Variants in SDK1 observed in about 807,000 individuals in gnomAD.
SDK1 encodes the protein sidekick cell adhesion molecule 1.
A neutral mutation model predicts 245.5 loss-of-function variants in SDK1; 157 were observed. The observed-to-expected ratio is 0.64, with a 90% confidence interval of 0.56 to 0.73. SDK1 has a LOEUF of 0.73. SDK1 is among the 30% of genes least tolerant of loss of function. SDK1 has a pLI of 0.00. For synonymous variants in SDK1, 1,647 were observed against 1,278.5 expected, an observed-to-expected ratio of 1.29 and a Z score of -6.15; for missense variants, 3,583 against 3,002.3, an observed-to-expected ratio of 1.19 and a Z score of -4.52.
At chr7:4,016,192 C>T (rs921066576) in intron 16 of SDK1, among the ~76,000 whole-genome samples, 1 of 152,244 alleles carries the variant, frequency 6.6e-6, no homozygotes, top group East Asian at 1.9e-4. Context: ...AGATCAGCGT[C>T]CTGGAGGAGC....
chr7:3,538,213 T>C (rs948346578), intron 1 of SDK1, among the ~76,000 whole-genome samples: 11 of 152,216 alleles, frequency 7.2e-5, no homozygotes, highest in African/African-American at 2.4e-4. Flanking sequence ...GCCATTTGTT[T>C]GTCCCATTGC....
intron 8 of SDK1, among the ~76,000 whole-genome samples, chr7:3,961,206 T>A (rs1781654604): frequency 6.6e-6 from 1 of 152,252 alleles, no homozygotes; most frequent in South Asian, 2.1e-4. Flanking sequence ...TGCGAAGTGG[T>A]TATTCCTTAT....
chr7:4,185,858 AG>A (rs1782862986), intron 35 of SDK1, among the ~76,000 whole-genome samples: 1 of 95,802 alleles, frequency 1.0e-5, no homozygotes, highest in African/African-American at 4.0e-5. Flanking sequence ...GAAGGAAAGA[AG>A]GGAGGGAGGG....
Position 3,724,056 on chromosome 7 carries a change from C to T in SDK1, c.713+81951C>T, listed in dbSNP as rs1434217241. ...TCGGCTCACTGCAACCTCCGCCTCC[C>T]GGGTTCAAGCGATTCTCCTGCCTTA... On this transcript the variant is annotated intron_variant, in intron 4 of 44. Transcript: ENST00000404826. Among the ~76,000 whole-genome samples the T allele has an allele frequency of 7.3e-5, 11 of 150,638 alleles. No homozygotes were observed. The South Asian group carries it at 8.4e-4, about 12-fold the overall frequency.
intron 5 of SDK1, among the ~76,000 whole-genome samples, chr7:3,920,165 A>AG (rs1236287368): frequency 1.3e-5 from 2 of 152,174 alleles, no homozygotes; most frequent in African/African-American, 4.8e-5. Flanking sequence ...AGCAGCACTG[A>AG]GGATCAGCAG....
intron 22 of SDK1, among the ~76,000 whole-genome samples, chr7:4,083,974 A>C (rs991143018): frequency 1.3e-5 from 2 of 151,958 alleles, no homozygotes; most frequent in Admixed American, 6.6e-5. Flanking sequence ...TACCTTGTGA[A>C]TTTCTCCATC....
chr7:4,199,281 T>C (rs1293533990), intron 35 of SDK1, among the ~76,000 whole-genome samples: 1 of 152,120 alleles, frequency 6.6e-6, no homozygotes, highest in Non-Finnish European at 1.5e-5. Flanking sequence ...CTTCCTGTGA[T>C]GGGGACTCAC....
intron 1 of SDK1, among the ~76,000 whole-genome samples, chr7:3,530,716 G>GAAA (rs1179401084): frequency 6.6e-6 from 1 of 152,116 alleles, no homozygotes; most frequent in East Asian, 1.9e-4. Flanking sequence ...CATAAATAAG[G>GAAA]AAAATGTAGG....
At chr7:3,587,193 A>T (rs867537739) in intron 1 of SDK1, among the ~76,000 whole-genome samples, 1 of 152,194 alleles carries the variant, frequency 6.6e-6, no homozygotes, top group Admixed American at 6.5e-5. Flanking sequence ...TTAGCGGTCA[A>T]TTTGAGGCCA....
At chr7:4,242,625 G>A (rs1786601054) in intron 43 of SDK1, among the ~76,000 whole-genome samples, 1 of 152,156 alleles carries the variant, frequency 6.6e-6, no homozygotes, top group Admixed American at 6.5e-5. Flanking sequence ...TTCGTCTGGA[G>A]AACAGACAGC....
At chr7:3,711,041 A>G (rs1374322255) in intron 4 of SDK1, among the ~76,000 whole-genome samples, 1 of 152,204 alleles carries the variant, frequency 6.6e-6, no homozygotes, top group Non-Finnish European at 1.5e-5. Context: ...TCTTTTGTGT[A>G]TTCATAAGGT....
At chr7:3,831,600 G>C (rs1779914102) in intron 5 of SDK1, among the ~76,000 whole-genome samples, 1 of 152,102 alleles carries the variant, frequency 6.6e-6, no homozygotes, top group Non-Finnish European at 1.5e-5. Flanking sequence ...GCTGAGTGTA[G>C]GCCTGATATC....
At position 4,181,775 on chromosome 7, in the gene SDK1, C is replaced by T. The variant is rs543968703; in HGVS notation, c.5098+3189C>T. On this transcript the variant is annotated intron_variant, in intron 35 of 44. Transcript: ENST00000404826. ...TTTCCATGCACACACACAAACTCCA[C>T]GTGGCCACACTGCACTGCTCACAGA... Among the ~76,000 whole-genome samples, 7 of 152,330 alleles carry T rather than the reference C, an allele frequency of 4.6e-5. No homozygotes were observed. In the South Asian group the frequency reaches 8.3e-4, roughly 18 times the overall value.
chr7:3,658,938 A>G (rs565404137), intron 4 of SDK1, among the ~76,000 whole-genome samples: 2 of 152,182 alleles, frequency 1.3e-5, no homozygotes, highest in South Asian at 4.2e-4. Context: ...ATCTAACAGA[A>G]TATTTCCATC....
At chr7:3,878,593 A>G (rs1260756493) in intron 5 of SDK1, among the ~76,000 whole-genome samples, 1 of 152,218 alleles carries the variant, frequency 6.6e-6, no homozygotes, top group Non-Finnish European at 1.5e-5. Flanking sequence ...TGTCATGACA[A>G]CTATTAACAC....
At chr7:3,444,917 A>G (rs1780301314) in intron 1 of SDK1, among the ~76,000 whole-genome samples, 2 of 152,216 alleles carry the variant, frequency 1.3e-5, no homozygotes, top group African/African-American at 2.4e-5. Flanking sequence ...GTAGAGTAAT[A>G]AGATAAGAAA....
intron 4 of SDK1, among the ~76,000 whole-genome samples, chr7:3,650,186 A>G (rs1221897469): frequency 6.6e-6 from 1 of 152,148 alleles, no homozygotes; most frequent in East Asian, 1.9e-4. Context: ...GAGCGCTGGG[A>G]GTACAGGTGT....
chr7:3,396,595 CTTA>C (rs1562461696), intron 1 of SDK1, among the ~76,000 whole-genome samples: 1 of 151,730 alleles, frequency 6.6e-6, no homozygotes, highest in Non-Finnish European at 1.5e-5. Context: ...GAATTACCCT[CTTA>C]TTATAAAATT....
At position 3,748,209 on chromosome 7, in the gene SDK1, A is replaced by G. The variant is rs1360864940; in HGVS notation, c.714-73241A>G. On this transcript the variant is annotated intron_variant, in intron 4 of 44. Transcript: ENST00000404826. ...TTAATCCTAATTTTGAAAAGGAAAA[A>G]TGATGTATCTAACATACACTGAACT... 2.0e-5 allele frequency among the ~76,000 whole-genome samples: 3 copies of G among 152,326 alleles called. No homozygotes were observed. The East Asian group carries it at 5.8e-4, about 29-fold the overall frequency.
Sources: allele counts gnomAD v4.1 joint callset (sites outside exome capture counted in the v4.1 genomes callset), GRCh38; gene constraint gnomAD v4.1.1; transcripts MANE v1.5; gene names NCBI Gene and HGNC (gene_info 2026-07-23, HGNC 2026-07-21).